The following BBS9 variants were observed in gnomAD, a reference collection of about 807,000 sequenced individuals.
BBS9 encodes the protein Bardet-Biedl syndrome 9.
A neutral mutation model predicts 117.7 loss-of-function variants in BBS9; 89 were observed. That is an observed-to-expected ratio of 0.76 (90% CI 0.64 to 0.90). BBS9 has a LOEUF of 0.90. BBS9 is among the 40% of genes least tolerant of loss of function. The pLI is 0.00. For synonymous variants in BBS9, 379 were observed against 370.9 expected (o/e 1.02, Z -0.25); for missense variants, 982 against 1,042.2 (o/e 0.94, Z 0.80).
At chr7:33,205,382 C>A (rs766370229) in intron 5 of BBS9, among the ~76,000 whole-genome samples, 1 of 152,160 alleles carries the variant, frequency 6.6e-6, no homozygotes, top group Non-Finnish European at 1.5e-5. Flanking sequence ...TACTTAATCC[C>A]AACCCATTAG....
chr7:33,470,076 A>G (rs1314642607), intron 19 of BBS9, among the ~76,000 whole-genome samples: 1 of 152,210 alleles, frequency 6.6e-6, no homozygotes, highest in Non-Finnish European at 1.5e-5. Context: ...TCGAGGGTAG[A>G]GGCCATGTCT....
intron 21 of BBS9, among the ~76,000 whole-genome samples, chr7:33,616,729 T>G (rs1226223462): frequency 1.3e-5 from 2 of 151,774 alleles, no homozygotes; most frequent in African/African-American, 2.4e-5. Flanking sequence ...TTTTATAGAT[T>G]TAGGGAGTAA....
At chr7:33,139,380 T>C (rs192949399) in intron 1 of BBS9, among the ~76,000 whole-genome samples, 48 of 151,180 alleles carry the variant, frequency 3.2e-4, no homozygotes, top group Non-Finnish European at 6.2e-4. Flanking sequence ...CTTTTGATTC[T>C]TTTTTTGTCT....
intron 9 of BBS9, among the ~76,000 whole-genome samples, chr7:33,330,305 G>A (rs931454793): frequency 1.3e-5 from 2 of 152,128 alleles, no homozygotes; most frequent in Non-Finnish European, 1.5e-5. Context: ...ATAAGCCACC[G>A]CGCCTGGTCT....
At chr7:33,480,647 T>A (rs1216203838) in intron 19 of BBS9, among the ~76,000 whole-genome samples, 2 of 152,220 alleles carry the variant, frequency 1.3e-5, no homozygotes, top group Admixed American at 1.3e-4. Flanking sequence ...AATTAGTTGG[T>A]AAGTTGCTTA....
chr7:33,225,362 T>G (rs1316397131), intron 5 of BBS9, among the ~76,000 whole-genome samples: 1 of 152,080 alleles, frequency 6.6e-6, no homozygotes, highest in African/African-American at 2.4e-5. Flanking sequence ...CATGCCTAAC[T>G]TTTTGAAATA....
At chr7:33,602,597 G>A (rs1027170731) in intron 21 of BBS9, among the ~76,000 whole-genome samples, 3 of 152,236 alleles carry the variant, frequency 2.0e-5, no homozygotes, top group Non-Finnish European at 4.4e-5. Flanking sequence ...GCATGGTGGC[G>A]CATGCCTGTA....
intron 4 of BBS9, among the ~76,000 whole-genome samples, chr7:33,166,775 C>T (rs571680702): frequency 3.3e-5 from 5 of 152,320 alleles, no homozygotes; most frequent in South Asian, 4.1e-4. Context: ...CGTTTTTCCA[C>T]GTACAGTCTG....
intron 20 of BBS9, among the ~76,000 whole-genome samples, chr7:33,515,435 T>C (rs995422965): frequency 6.6e-6 from 1 of 152,180 alleles, no homozygotes; most frequent in Non-Finnish European, 1.5e-5. Context: ...ATTTCTTGGG[T>C]GTGCCACTGT....
chr7:33,621,134 G>T (rs918420528), intron 21 of BBS9, among the ~76,000 whole-genome samples: 1 of 152,104 alleles, frequency 6.6e-6, no homozygotes, highest in Non-Finnish European at 1.5e-5. Flanking sequence ...ATAAGGAAAA[G>T]CTTCTTAACA....
At chr7:33,545,440 TA>T (rs1321732219) in intron 21 of BBS9, among the ~76,000 whole-genome samples, 3 of 152,106 alleles carry the variant, frequency 2.0e-5, no homozygotes, top group African/African-American at 4.8e-5. Context: ...CAGCTTTAAG[TA>T]AAGTCGGAAA....
chr7:33,482,859 G>C (rs755470892), intron 19 of BBS9, among the ~76,000 whole-genome samples: 8 of 151,444 alleles, frequency 5.3e-5, no homozygotes, highest in Non-Finnish European at 8.8e-5. Context: ...GATAGAAATG[G>C]GATTGAGTCC....
At chr7:33,157,221 GCA>G (rs1442128077) in intron 4 of BBS9, among the ~76,000 whole-genome samples, 1 of 152,164 alleles carries the variant, frequency 6.6e-6, no homozygotes, top group Non-Finnish European at 1.5e-5. Flanking sequence ...GGGGCTTAGA[GCA>G]CAGACAAGGG....
chr7:33,180,578 A>G (rs1797953125), intron 5 of BBS9, among the ~76,000 whole-genome samples: 1 of 152,012 alleles, frequency 6.6e-6, no homozygotes, highest in South Asian at 2.1e-4. Context: ...GATGGTCTCT[A>G]TCTCCTGACC....
intron 1 of BBS9, among the ~76,000 whole-genome samples, chr7:33,134,215 A>ATTTTTTTTTTTTTTTT: frequency 8.5e-6 from 1 of 118,056 alleles, no homozygotes; most frequent in Non-Finnish European, 1.7e-5. Flanking sequence ...ACGCCTGGCT[A>ATTTTTTTTTTTTTTTT]TTTTTTTTTT....
chr7:33,204,458 G>A (rs1246864288), intron 5 of BBS9, among the ~76,000 whole-genome samples: 2 of 151,790 alleles, frequency 1.3e-5, no homozygotes, highest in African/African-American at 4.8e-5. Context: ...AGAAGTGTGG[G>A]CAGGGTTAAG....
chr7:33,375,987 A>G (rs549456458), intron 17 of BBS9, among the ~76,000 whole-genome samples: 12 of 152,328 alleles, frequency 7.9e-5, no homozygotes, highest in African/African-American at 2.9e-4. Context: ...ATTTAAAGTT[A>G]CTGAAAATAT....
At chr7:33,472,679 TA>T (rs1841217176) in intron 19 of BBS9, among the ~76,000 whole-genome samples, 1 of 152,178 alleles carries the variant, frequency 6.6e-6, no homozygotes, top group Non-Finnish European at 1.5e-5. Flanking sequence ...TAGTTGAAAT[TA>T]ATGGCATATT....
intron 17 of BBS9, among the ~76,000 whole-genome samples, chr7:33,369,937 T>C (rs930930871): frequency 6.6e-6 from 1 of 152,238 alleles, no homozygotes; most frequent in Non-Finnish European, 1.5e-5. Flanking sequence ...CATAGAATTG[T>C]CCTTGACTCT....
Sources: allele counts gnomAD v4.1 joint callset (sites outside exome capture counted in the v4.1 genomes callset), GRCh38; gene constraint gnomAD v4.1.1; transcripts MANE v1.5; gene names NCBI Gene and HGNC (gene_info 2026-07-23, HGNC 2026-07-21).